Variants in UGT1A5 observed in about 807,000 individuals in gnomAD.
UGT1A5 encodes UDP-glucuronosyltransferase 1A5.
UGT1A5 carries 29 observed loss-of-function variants against 40.3 expected under a neutral mutation model. That is an observed-to-expected ratio of 0.72 (90% CI 0.54 to 0.98). The LOEUF is 0.98. UGT1A5 is among the 50% of genes least tolerant of loss of function. The pLI is 0.00. For synonymous variants in UGT1A5, 257 were observed against 262.5 expected (o/e 0.98, Z 0.20); for missense variants, 678 against 677.9 (o/e 1.00, Z 0.00).
chr2:233,733,427 A>G (rs1444261298), intron 1 of UGT1A5, among the ~76,000 whole-genome samples: 1 of 152,208 alleles, frequency 6.6e-6, no homozygotes, highest in Non-Finnish European at 1.5e-5. Context: ...CCTACTCAGT[A>G]TGATATTGGC....
At chr2:233,719,812 CA>C in intron 1 of UGT1A5, 1 of 1,587,558 alleles carries the variant, frequency 6.3e-7, no homozygotes, top group Non-Finnish European at 8.6e-7. Context: ...TTCTTTATAA[CA>C]GATAAACTGT....
chr2:233,719,424 T>A (rs1477800386), intron 1 of UGT1A5: 11 of 1,613,828 alleles, frequency 6.8e-6, no homozygotes, highest in Non-Finnish European at 9.3e-6. Flanking sequence ...AACGACCAAT[T>A]CAGACCACAT....
At chr2:233,771,270 C>A (rs1244273988) in intron 4 of UGT1A5, 1 of 150,946 alleles carries the variant, frequency 6.6e-6, no homozygotes, top group African/African-American at 2.4e-5. Context: ...CTTTTTTTTT[C>A]TTTCTTCTCC....
At chr2:233,738,180 G>A (rs566528784) in intron 1 of UGT1A5, among the ~76,000 whole-genome samples, 8 of 152,232 alleles carry the variant, frequency 5.3e-5, no homozygotes, top group African/African-American at 1.4e-4. Flanking sequence ...CATGTAAGAC[G>A]TGTCTTTGCC....
intron 1 of UGT1A5, among the ~76,000 whole-genome samples, chr2:233,752,840 A>G (rs1357477181): frequency 6.6e-6 from 1 of 152,242 alleles, no homozygotes; most frequent in African/African-American, 2.4e-5. Flanking sequence ...AATCTAGGAT[A>G]TATCAAAATT....
chr2:233,736,752 G>A (rs2078802513), intron 1 of UGT1A5, among the ~76,000 whole-genome samples: 1 of 152,176 alleles, frequency 6.6e-6, no homozygotes, highest in Non-Finnish European at 1.5e-5. Context: ...CTGTTTGTTA[G>A]TTTTCCTTCT....
At chr2:233,768,114 G>A (rs763965900) in intron 3 of UGT1A5, 106 bp from the exon 4 acceptor site, 19 of 1,597,766 alleles carry the variant, frequency 1.2e-5, no homozygotes, top group Non-Finnish European at 1.6e-5. Flanking sequence ...TTCTGCAAGG[G>A]CATGTGAGTA....
rs753135501 is a variant in UGT1A5 at position 233,713,577 on chromosome 2, A to G, written c.586A>G (p.Arg196Gly). 3.1e-6 allele frequency: 5 copies of G among 1,613,836 alleles called. No homozygotes were observed. The African/African-American group carries it at 5.3e-5, about 17-fold the overall frequency. ...QCPNPSSYIP[R>G]LLTTNSDHMT... ...TCCAAACCCTTCCTCCTATATTCCTAGATTACTAACGACCAATTCAGACCA... is the reference window on the plus strand; with the variant it reads ...TCCAAACCCTTCCTCCTATATTCCTGGATTACTAACGACCAATTCAGACCA... Residue 196 changes from arginine (R) to glycine (G), a missense_variant, in exon 1 of 5, where the codon AGA becomes GGA. By Grantham distance (125) the Arg-to-Gly change is moderately radical. Coordinates refer to ENST00000373414, the MANE Select transcript of UGT1A5 (RefSeq NM_019078.2).
chr2:233,771,905 G>A (rs1048759513), intron 4 of UGT1A5, among the ~76,000 whole-genome samples: 1 of 151,250 alleles, frequency 6.6e-6, no homozygotes, highest in Non-Finnish European at 1.5e-5. Flanking sequence ...CCTTTCAGGT[G>A]ATAATAGTAA....
At chr2:233,771,760 C>T (rs1700368197) in intron 4 of UGT1A5, 1 of 153,596 alleles carries the variant, frequency 6.5e-6, no homozygotes, top group Non-Finnish European at 1.4e-5. Context: ...CCCTTCCTTC[C>T]TCCGTCCCTC....
chr2:233,739,272 C>A (rs1444866031), intron 1 of UGT1A5, among the ~76,000 whole-genome samples: 1 of 152,138 alleles, frequency 6.6e-6, no homozygotes, highest in African/African-American at 2.4e-5. Context: ...AGGTTGGAGC[C>A]CCCACACAGA....
intron 1 of UGT1A5, among the ~76,000 whole-genome samples, chr2:233,716,590 A>T (rs1367261005): frequency 2.0e-5 from 3 of 152,194 alleles, no homozygotes; most frequent in Non-Finnish European, 2.9e-5. Flanking sequence ...TCAAAGAGCA[A>T]AAATTTTAGA....
chr2:233,730,543 T>G (rs1559376026), intron 1 of UGT1A5, among the ~76,000 whole-genome samples: 2 of 152,132 alleles, frequency 1.3e-5, no homozygotes, highest in African/African-American at 2.4e-5. Flanking sequence ...GGGATGGATG[T>G]CTGTGATTAG....
chr2:233,744,977 C>T (rs528812849), intron 1 of UGT1A5, among the ~76,000 whole-genome samples: 2 of 151,856 alleles, frequency 1.3e-5, no homozygotes, highest in Non-Finnish European at 1.5e-5. Flanking sequence ...CTTTAAGCCT[C>T]TAGTCATCTC....
chr2:233,717,658 A>G (rs1214490027), intron 1 of UGT1A5: 1 of 409,022 alleles, frequency 2.4e-6, no homozygotes, highest in Non-Finnish European at 5.0e-6. Flanking sequence ...ACAAGGAAGC[A>G]TCAGCAATCT....
chr2:233,731,238 T>A (rs2078125574), intron 1 of UGT1A5, among the ~76,000 whole-genome samples: 1 of 152,108 alleles, frequency 6.6e-6, no homozygotes, highest in South Asian at 2.1e-4. Context: ...TGTTGAAAAG[T>A]GGGATGGCAT....
chr2:233,729,959 G>A (rs1416622482), intron 1 of UGT1A5: 13 of 1,613,900 alleles, frequency 8.1e-6, no homozygotes, highest in East Asian at 2.2e-5. Flanking sequence ...TTCATTGGGG[G>A]CATCAACTGT....
At chr2:233,723,454 C>T (rs1160822962) in intron 1 of UGT1A5, among the ~76,000 whole-genome samples, 1 of 139,308 alleles carries the variant, frequency 7.2e-6, no homozygotes, top group African/African-American at 2.8e-5. Context: ...AGGTGATCCA[C>T]CCGCCTCAGC....
chr2:233,724,295 C>T (rs2077211883), intron 1 of UGT1A5, among the ~76,000 whole-genome samples: 1 of 145,404 alleles, frequency 6.9e-6, no homozygotes, highest in Non-Finnish European at 1.5e-5. Context: ...GGGCTGACCC[C>T]CCCACCTCCC....
Sources: allele counts gnomAD v4.1 joint callset (sites outside exome capture counted in the v4.1 genomes callset), GRCh38; gene constraint gnomAD v4.1.1; transcripts MANE v1.5; gene names NCBI Gene and HGNC (gene_info 2026-07-23, HGNC 2026-07-21).